ANXA6: variants seen among roughly 807,000 people sequenced by gnomAD.
ANXA6 encodes the protein annexin A6.
ANXA6 carries 71 observed loss-of-function variants against 95.4 expected under a neutral mutation model. The ratio of observed to expected loss-of-function variants is 0.74; its 90% CI spans 0.61 to 0.91. The LOEUF is 0.91. ANXA6 is among the 40% of genes least tolerant of loss of function. The pLI is 0.00. For missense variants in ANXA6, 830 were observed against 876.4 expected, an observed-to-expected ratio of 0.95 and a Z score of 0.67; for synonymous variants, 289 against 315.9, an observed-to-expected ratio of 0.91 and a Z score of 0.90.
At chr5:151,152,829 C>T (rs1213189930) in intron 1 of ANXA6, among the ~76,000 whole-genome samples, 3 of 152,124 alleles carry the variant, frequency 2.0e-5, no homozygotes, top group African/African-American at 4.8e-5. Context: ...AGAATAGTAA[C>T]ACCAGGGTAA....
chr5:151,133,050 G>A, intron 9 of ANXA6, 44 bp downstream of exon 9: 1 of 1,362,490 alleles, frequency 7.3e-7, no homozygotes, highest in Non-Finnish European at 1.0e-6. Flanking sequence ...GGCATTATTG[G>A]CATCAACCCA....
intron 10 of ANXA6, 33 bp from the exon 11 acceptor site, chr5:151,131,322 T>C (rs1041686966): frequency 1.2e-5 from 19 of 1,610,176 alleles, no homozygotes; most frequent in Non-Finnish European, 1.5e-5. Context: ...AGAGTTATTC[T>C]GGCTGCCTCA....
chr5:151,150,117 CAAAA>C (rs1180783863), intron 1 of ANXA6, among the ~76,000 whole-genome samples: 2 of 103,344 alleles, frequency 1.9e-5, no homozygotes, highest in Non-Finnish European at 4.1e-5. Flanking sequence ...GACTCTGACT[CAAAA>C]AAAAAAAAAA....
chr5:151,137,319 G>C lies in ANXA6; in HGVS notation c.321C>G (p.Gly107=), dbSNP rs1353521964. Residue 107 remains glycine (G), a splice_region_variant and synonymous_variant, in exon 6 of 26, where the codon GGC becomes GGG. Coordinates refer to ENST00000354546, the MANE Select transcript of ANXA6 (RefSeq NM_001155.5). ...TGAGGCACTTCTCATCAGTGCCAATGCCCTGGGGGTAGAAAAAGAGCGCAT... is the reference window on the plus strand; with the variant it reads ...TGAGGCACTTCTCATCAGTGCCAATCCCCTGGGGGTAGAAAAAGAGCGCAT... ...DAKEIKDAIS[G]IGTDEKCLIE... 1 of 1,612,008 alleles carries C rather than the reference G, an allele frequency of 6.2e-7. No individual in the cohort carries two copies. Among genetic ancestry groups the C allele is most frequent in the African/African-American group, 1.3e-5 (1 of 74,992 alleles).
intron 19 of ANXA6, 42 bp downstream of exon 19, chr5:151,117,716 T>A (rs939007440): frequency 6.4e-7 from 1 of 1,557,542 alleles, no homozygotes. Flanking sequence ...CTCCCAGGCC[T>A]CCCGATGGGC....
chr5:151,143,786 G>A (rs72790148), intron 2 of ANXA6, among the ~76,000 whole-genome samples: 14,321 of 152,064 alleles, frequency 0.094, 850 homozygotes, highest in South Asian at 0.17. Context: ...TAAATGGATG[G>A]ATGAATGACT....
At chr5:151,137,150 T>G in intron 6 of ANXA6, 81 bp downstream of exon 6, 3 of 1,213,972 alleles carry the variant, frequency 2.5e-6, no homozygotes, top group Admixed American at 3.9e-5. Flanking sequence ...GGTAGATGGC[T>G]AGAATCTTAG....
intron 20 of ANXA6, 130 bp downstream of exon 20, chr5:151,116,997 C>G: frequency 1.4e-6 from 1 of 718,990 alleles, no homozygotes; most frequent in East Asian, 3.1e-5. Context: ...TAAGTATCAA[C>G]CAATCAAACC....
intron 2 of ANXA6, among the ~76,000 whole-genome samples, chr5:151,145,305 G>C (rs1765945131): frequency 6.6e-6 from 1 of 152,232 alleles, no homozygotes; most frequent in African/African-American, 2.4e-5. Flanking sequence ...GCCTTGGCCG[G>C]TGCTGACCTA....
intron 6 of ANXA6, 159 bp downstream of exon 6, chr5:151,137,072 G>T: frequency 1.5e-6 from 1 of 677,332 alleles, no homozygotes; most frequent in East Asian, 2.8e-5. Context: ...ACATCACCCA[G>T]CACAGAGCAA....
intron 5 of ANXA6, among the ~76,000 whole-genome samples, chr5:151,138,171 T>C (rs1381659584): frequency 6.6e-6 from 1 of 152,196 alleles, no homozygotes; most frequent in African/African-American, 2.4e-5. Context: ...CTCTTTTTCC[T>C]AGGGGGCAAT....
chr5:151,136,327 G>T lies in ANXA6; in HGVS notation c.418C>A (p.Arg140=), dbSNP rs748296771. 6.2e-7 allele frequency: 1 copy of T among 1,613,812 alleles called. No homozygotes were observed. Among genetic ancestry groups the T allele is most frequent in the South Asian group, 1.1e-5 (1 of 91,066 alleles). The change falls in exon 7 of 26, where the codon CGG becomes AGG. Residue 140 remains arginine, a synonymous_variant. Transcript: ENST00000354546. ...LVAAYKDAYE[R]DLEADIIGDT... ...CCGATGATGTCAGCCTCCAGGTCCC[G>T]CTCGTAGGCTGCAGAAAGGAACGCA...
chr5:151,123,947 G>A (rs1009291853), intron 15 of ANXA6, among the ~76,000 whole-genome samples: 5 of 152,192 alleles, frequency 3.3e-5, no homozygotes, highest in African/African-American at 4.8e-5. Flanking sequence ...CCAGAGTGGC[G>A]GAGAGGCTCA....
At chr5:151,133,894 T>C (rs149451081) in intron 8 of ANXA6, among the ~76,000 whole-genome samples, 15 of 152,354 alleles carry the variant, frequency 9.8e-5, no homozygotes, top group African/African-American at 3.4e-4. Flanking sequence ...ATCTACTGTA[T>C]ATGATAATGA....
At chr5:151,104,660 C>A (rs1444472771) in intron 24 of ANXA6, among the ~76,000 whole-genome samples, 2 of 152,156 alleles carry the variant, frequency 1.3e-5, no homozygotes, top group South Asian at 4.1e-4. Flanking sequence ...TCCTACCCTC[C>A]CACCTGCCCA....
At chr5:151,102,149 T>C (rs1276718726) in intron 25 of ANXA6, among the ~76,000 whole-genome samples, 2 of 152,350 alleles carry the variant, frequency 1.3e-5, no homozygotes, top group Admixed American at 6.5e-5. Context: ...TGGTATGGTA[T>C]GGATCTCCCT....
rs116054845 is a variant in ANXA6 at position 151,114,846 on chromosome 5, G to T, written c.1572+2281C>A. ...CCCAGACTTCTAAGAGCTTGAGGGT[G>T]TTCTAGACATCCAGAGTGAGAGACC... On this transcript the variant is annotated intron_variant, in intron 20 of 25. Coordinates refer to ENST00000354546, the MANE Select transcript of ANXA6 (RefSeq NM_001155.5). 5.8e-3 allele frequency among the ~76,000 whole-genome samples: 882 copies of T among 152,230 alleles called. 8 individuals are homozygous for T. The highest frequency in any genetic ancestry group is 0.02 in the African/African-American group (825 of 41,522).
At chr5:151,145,738 C>CT (rs1765960210) in intron 2 of ANXA6, among the ~76,000 whole-genome samples, 1 of 152,264 alleles carries the variant, frequency 6.6e-6, no homozygotes, top group Non-Finnish European at 1.5e-5. Flanking sequence ...GGCAGGGAGG[C>CT]TTTTTTCACA....
intron 23 of ANXA6, 70 bp from the exon 24 acceptor site, chr5:151,105,373 C>A (rs1764668604): frequency 3.0e-6 from 4 of 1,354,324 alleles, no homozygotes; most frequent in Non-Finnish European, 2.1e-6. Context: ...GGACCGGCCT[C>A]CCCCATCTCC....
Sources: allele counts gnomAD v4.1 joint callset (sites outside exome capture counted in the v4.1 genomes callset), GRCh38; gene constraint gnomAD v4.1.1; transcripts MANE v1.5; gene names NCBI Gene and HGNC (gene_info 2026-07-23, HGNC 2026-07-21).